ELL2: variants seen among roughly 807,000 people sequenced by gnomAD.
ELL2 encodes the protein elongation factor for RNA polymerase II 2.
A neutral mutation model predicts 72.8 loss-of-function variants in ELL2; 21 were observed. That is an observed-to-expected ratio of 0.29 (90% confidence interval 0.20 to 0.42). The LOEUF (loss-of-function observed/expected upper bound fraction) is 0.42. Among genes scored for constraint, ELL2 ranks in the 10% least tolerant of loss-of-function variants. ELL2 has a pLI of 1.00. For synonymous variants in ELL2, 266 were observed against 283.2 expected, an observed-to-expected ratio of 0.94 and a Z score of 0.61; for missense variants, 568 against 772.8, an observed-to-expected ratio of 0.73 and a Z score of 3.14.
chr5:95,955,750 T>A (rs917121612), intron 1 of ELL2, among the ~76,000 whole-genome samples: 9 of 152,156 alleles, frequency 5.9e-5, no homozygotes, highest in African/African-American at 2.2e-4. Context: ...GTTGTTTTCT[T>A]TATTGTAAGA....
At chr5:95,954,196 A>C (rs1751529649) in intron 1 of ELL2, among the ~76,000 whole-genome samples, 1 of 152,126 alleles carries the variant, frequency 6.6e-6, no homozygotes, top group Non-Finnish European at 1.5e-5. Context: ...TAAAACATCT[A>C]ATCAAACCCA....
intron 2 of ELL2, among the ~76,000 whole-genome samples, chr5:95,941,121 G>C (rs1750953538): frequency 6.6e-6 from 1 of 152,104 alleles, no homozygotes; most frequent in Non-Finnish European, 1.5e-5. Context: ...TCAGTCTATA[G>C]TACCTCCACT....
chr5:95,948,772 T>C (rs1751270237), intron 1 of ELL2, among the ~76,000 whole-genome samples: 1 of 152,212 alleles, frequency 6.6e-6, no homozygotes, highest in Admixed American at 6.5e-5. Flanking sequence ...CTCTAGGGCT[T>C]AAGGGAATAG....
At chr5:95,948,621 A>C (rs574313443) in intron 1 of ELL2, among the ~76,000 whole-genome samples, 4 of 152,286 alleles carry the variant, frequency 2.6e-5, no homozygotes, top group Admixed American at 1.3e-4. Context: ...TTAATTGTAT[A>C]AACATGACCT....
intron 1 of ELL2, among the ~76,000 whole-genome samples, chr5:95,953,353 T>A (rs1751491236): frequency 6.6e-6 from 1 of 152,232 alleles, no homozygotes; most frequent in African/African-American, 2.4e-5. Flanking sequence ...AGAAAAAACA[T>A]CTTAAGATAC....
At chr5:95,935,396 A>G (rs1335360719) in intron 2 of ELL2, among the ~76,000 whole-genome samples, 1 of 152,228 alleles carries the variant, frequency 6.6e-6, no homozygotes. Flanking sequence ...CCTAAATATT[A>G]GTAATTAAAA....
At chr5:95,912,329 G>A (rs965415850) in intron 4 of ELL2, among the ~76,000 whole-genome samples, 24 of 151,942 alleles carry the variant, frequency 1.6e-4, no homozygotes, top group African/African-American at 4.6e-4. Context: ...TAGTTATATC[G>A]GGAAGGAAAA....
chr5:95,912,651 C>A (rs564976264), intron 4 of ELL2, among the ~76,000 whole-genome samples: 1 of 152,304 alleles, frequency 6.6e-6, no homozygotes, highest in African/African-American at 2.4e-5. Context: ...TAGTAACTTA[C>A]TGAGCAGGGA....
At chr5:95,948,010 G>A (rs1751231410) in intron 1 of ELL2, among the ~76,000 whole-genome samples, 2 of 152,042 alleles carry the variant, frequency 1.3e-5, no homozygotes, top group African/African-American at 2.4e-5. Flanking sequence ...TAAGCTCATT[G>A]TTACTCAGAA....
intron 2 of ELL2, among the ~76,000 whole-genome samples, chr5:95,942,203 C>T (rs2112347737): frequency 6.6e-6 from 1 of 152,242 alleles, no homozygotes; most frequent in Non-Finnish European, 1.5e-5. Context: ...TGTAGATTTA[C>T]AATAATCAAG....
chr5:95,900,557 G>C (rs1749095092), intron 7 of ELL2, 136 bp downstream of exon 7: 5 of 599,712 alleles, frequency 8.3e-6, no homozygotes, highest in Non-Finnish European at 1.4e-5. Flanking sequence ...GCTAAGCTCA[G>C]CCATAACCAG....
chr5:95,943,064 AAAAG>A lies in ELL2; in HGVS notation c.148-19_148-16del. On this transcript the variant is annotated splice_polypyrimidine_tract_variant and intron_variant, in intron 1 of 11. Coordinates refer to ENST00000237853, the MANE Select transcript of ELL2 (RefSeq NM_012081.6). ...GGAATTAAATTCTATTAAAAGAAAC[AAAAG>A]AAACAAACAGGTAAACCTTGGTTAC... 1 of 1,596,626 alleles carries A rather than the reference AAAAG, an allele frequency of 6.3e-7. No individual in the cohort carries two copies. Among genetic ancestry groups the A allele is most frequent in the Non-Finnish European group, 8.5e-7 (1 of 1,170,858 alleles).
At chr5:95,891,880 C>T (rs994879971) in intron 9 of ELL2, among the ~76,000 whole-genome samples, 3 of 152,202 alleles carry the variant, frequency 2.0e-5, no homozygotes, top group African/African-American at 7.2e-5. Flanking sequence ...AAATTACCAA[C>T]CATTCTGTAA....
At chr5:95,927,465 GTATATAGACATACACACACGTGTGTA>G (rs1750368191) in intron 2 of ELL2, among the ~76,000 whole-genome samples, 1 of 32,246 alleles carries the variant, frequency 3.1e-5, no homozygotes, top group Non-Finnish European at 5.0e-5. Context: ...ACACACGTGT[GTATATAGACATACACACACGTGTGTA>G]TATAGACATA....
intron 2 of ELL2, among the ~76,000 whole-genome samples, chr5:95,929,415 C>A (rs1364283890): frequency 6.6e-6 from 1 of 152,090 alleles, no homozygotes; most frequent in African/African-American, 2.4e-5. Context: ...TGCACCACCA[C>A]ATCCGGCTAA....
intron 1 of ELL2, among the ~76,000 whole-genome samples, chr5:95,943,503 T>A (rs2112349594): frequency 6.6e-6 from 1 of 152,284 alleles, no homozygotes. Context: ...ATGGTTAGTA[T>A]ACCAATTCAA....
chr5:95,929,286 T>A (rs562050285), intron 2 of ELL2, among the ~76,000 whole-genome samples: 115 of 147,946 alleles, frequency 7.8e-4, no homozygotes, highest in African/African-American at 2.8e-3. Flanking sequence ...TGAGACAGAG[T>A]CTCGCTCTGT....
chr5:95,906,860 T>C, intron 4 of ELL2, 78 bp from the exon 5 acceptor site: 2 of 1,369,008 alleles, frequency 1.5e-6, no homozygotes, highest in Non-Finnish European at 1.9e-6. Context: ...AATTCTGATT[T>C]AGGTACCTCT....
intron 9 of ELL2, 95 bp from the exon 10 acceptor site, chr5:95,891,369 G>T: frequency 7.6e-7 from 1 of 1,307,384 alleles, no homozygotes; most frequent in East Asian, 2.4e-5. Context: ...TTAGATCCAT[G>T]CATGTGTCAC....
Sources: gnomAD v4.1 joint callset for allele counts (sites outside exome capture counted in the v4.1 genomes callset) on GRCh38, gnomAD v4.1.1 for gene constraint, MANE v1.5 for transcripts, NCBI Gene and HGNC (gene_info 2026-07-23, HGNC 2026-07-21) for gene names.